Variants in ASIC2 observed in about 807,000 individuals in gnomAD.
ASIC2 encodes the protein acid-sensing ion channel 2.
In ASIC2, 25 loss-of-function variants were observed where a neutral mutation model predicts 57.3. The ratio of observed to expected loss-of-function variants is 0.44; its 90% confidence interval spans 0.32 to 0.61. ASIC2 has a LOEUF of 0.61. Ranked by LOEUF, ASIC2 falls within the 20% of genes least tolerant of loss-of-function variation. The probability of loss-of-function intolerance (pLI) is 0.06; values close to 1 mark genes in which losing one functional copy is unlikely to be tolerated. For synonymous variants in ASIC2, 319 were observed against 307.5 expected (o/e 1.04, Z -0.39); for missense variants, 641 against 738.1 (o/e 0.87, Z 1.52).
chr17:33,018,835 G>T (rs1318895736), intron 7 of ASIC2, among the ~76,000 whole-genome samples: 6 of 151,996 alleles, frequency 3.9e-5, no homozygotes, highest in African/African-American at 9.6e-5. Context: ...GGTTTGGGGG[G>T]CACAGTTGGG....
At chr17:33,678,435 C>CACACACACACACACACACACA (rs1907894434) in intron 1 of ASIC2, among the ~76,000 whole-genome samples, 4 of 139,508 alleles carry the variant, frequency 2.9e-5, no homozygotes, top group Admixed American at 7.3e-5. Context: ...CTGGTTCAAT[C>CACACACACACACACACACACA]CACACACACA....
intron 3 of ASIC2, among the ~76,000 whole-genome samples, chr17:33,069,569 C>A (rs1029711504): frequency 1.3e-5 from 2 of 151,810 alleles, no homozygotes; most frequent in African/African-American, 2.4e-5. Flanking sequence ...GTGACTTGAC[C>A]TTTTTATGAT....
At chr17:33,458,501 G>A (rs1055314332) in intron 1 of ASIC2, among the ~76,000 whole-genome samples, 5 of 152,206 alleles carry the variant, frequency 3.3e-5, no homozygotes, top group East Asian at 1.9e-4. Flanking sequence ...AAGTTGGACC[G>A]TTGGGTTTGA....
intron 1 of ASIC2, among the ~76,000 whole-genome samples, chr17:33,186,620 T>C (rs1906205836): frequency 1.3e-5 from 2 of 152,188 alleles, no homozygotes; most frequent in Admixed American, 6.5e-5. Flanking sequence ...GAACTGCTAA[T>C]GAGCGTACAG....
At chr17:33,306,814 G>C (rs1219405844) in intron 1 of ASIC2, among the ~76,000 whole-genome samples, 2 of 151,878 alleles carry the variant, frequency 1.3e-5, no homozygotes, top group Non-Finnish European at 2.9e-5. Flanking sequence ...ATTTCTTACT[G>C]TACACATTCA....
At chr17:33,890,012 C>G (rs562546136) in intron 1 of ASIC2, among the ~76,000 whole-genome samples, 1 of 152,274 alleles carries the variant, frequency 6.6e-6, no homozygotes, top group Non-Finnish European at 1.5e-5. Flanking sequence ...TTCCATGACC[C>G]CAGCATGGAG....
At chr17:33,662,578 A>G (rs1465522193) in intron 1 of ASIC2, among the ~76,000 whole-genome samples, 2 of 151,664 alleles carry the variant, frequency 1.3e-5, no homozygotes, top group Non-Finnish European at 2.9e-5. Flanking sequence ...AGCCGAGATC[A>G]TGCCACTGTA....
intron 1 of ASIC2, among the ~76,000 whole-genome samples, chr17:33,481,807 G>A (rs907691322): frequency 1.3e-5 from 2 of 152,058 alleles, no homozygotes; most frequent in African/African-American, 2.4e-5. Flanking sequence ...GGCCTTGAAC[G>A]AGCTGCCTCA....
intron 2 of ASIC2, among the ~76,000 whole-genome samples, chr17:33,092,063 C>T (rs2092159951): frequency 6.6e-6 from 1 of 152,204 alleles, no homozygotes; most frequent in Non-Finnish European, 1.5e-5. Flanking sequence ...AGAACTCCGC[C>T]ATCTTGCCTT....
At chr17:33,892,040 T>A (rs990077767) in intron 1 of ASIC2, among the ~76,000 whole-genome samples, 3 of 152,230 alleles carry the variant, frequency 2.0e-5, no homozygotes, top group Non-Finnish European at 4.4e-5. Context: ...TTTATGAATC[T>A]TTGCCTAGAA....
chr17:33,698,721 T>C (rs191873447), intron 1 of ASIC2, among the ~76,000 whole-genome samples: 4 of 152,158 alleles, frequency 2.6e-5, no homozygotes, highest in Admixed American at 2.0e-4. Context: ...TGAAGTACAA[T>C]GGTGTGGCTG....
At chr17:34,026,634 G>T (rs565825518) in intron 1 of ASIC2, among the ~76,000 whole-genome samples, 1 of 152,032 alleles carries the variant, frequency 6.6e-6, no homozygotes, top group Non-Finnish European at 1.5e-5. Flanking sequence ...TAATAAAAAC[G>T]TTCTTTCTGC....
intron 1 of ASIC2, among the ~76,000 whole-genome samples, chr17:33,946,052 T>C (rs1457635456): frequency 6.6e-6 from 1 of 152,174 alleles, no homozygotes; most frequent in Non-Finnish European, 1.5e-5. Flanking sequence ...AGGTGGATCA[T>C]TAACTGTGAT....
chr17:33,723,010 A>T (rs1474230512), intron 1 of ASIC2, among the ~76,000 whole-genome samples: 1 of 152,240 alleles, frequency 6.6e-6, no homozygotes, highest in Non-Finnish European at 1.5e-5. Flanking sequence ...GGCAATTCTA[A>T]CAAAGGTAAA....
At chr17:33,385,837 C>T (rs1909655832) in intron 1 of ASIC2, among the ~76,000 whole-genome samples, 1 of 152,188 alleles carries the variant, frequency 6.6e-6, no homozygotes, top group Non-Finnish European at 1.5e-5. Flanking sequence ...GAATCCCTGT[C>T]TGGAGGCCAG....
intron 1 of ASIC2, among the ~76,000 whole-genome samples, chr17:33,133,767 C>G (rs963012384): frequency 6.6e-6 from 1 of 152,150 alleles, no homozygotes; most frequent in East Asian, 1.9e-4. Flanking sequence ...TCCTTCTACC[C>G]TGCCCCATCA....
intron 1 of ASIC2, among the ~76,000 whole-genome samples, chr17:33,133,302 G>A (rs1205400054): frequency 1.3e-5 from 2 of 152,328 alleles, no homozygotes; most frequent in East Asian, 1.9e-4. Flanking sequence ...GTGAATGCGA[G>A]GGGTGCTCTG....
At chr17:33,111,279 G>C (rs1021916875) in intron 2 of ASIC2, among the ~76,000 whole-genome samples, 2 of 152,188 alleles carry the variant, frequency 1.3e-5, no homozygotes, top group African/African-American at 4.8e-5. Flanking sequence ...TCAAGGACTT[G>C]ATCTTTTTCA....
chr17:33,977,135 G>T (rs1020750837), intron 1 of ASIC2, among the ~76,000 whole-genome samples: 1 of 151,776 alleles, frequency 6.6e-6, no homozygotes, highest in Non-Finnish European at 1.5e-5. Context: ...CACTTAATCC[G>T]GAGAGATATT....
Sources: allele counts gnomAD v4.1 joint callset (sites outside exome capture counted in the v4.1 genomes callset), GRCh38; gene constraint gnomAD v4.1.1; transcripts MANE v1.5; gene names NCBI Gene and HGNC (gene_info 2026-07-23, HGNC 2026-07-21).